Variants in SNX25 observed in about 807,000 individuals in gnomAD.
SNX25 encodes the protein sorting nexin 25.
Under a neutral mutation model 113.7 loss-of-function variants are expected in SNX25, and 62 were observed. The ratio of observed to expected loss-of-function variants is 0.55; its 90% CI spans 0.44 to 0.67. The LOEUF (loss-of-function observed/expected upper bound fraction) is 0.67. Ranked by LOEUF, SNX25 falls within the 30% of genes least tolerant of loss-of-function variation. SNX25 has a pLI of 0.00. For synonymous variants in SNX25, 421 were observed against 436.2 expected (o/e 0.97, Z 0.43); for missense variants, 1,014 against 1,161.0 (o/e 0.87, Z 1.84).
rs554693947 is a variant in SNX25 at position 185,264,952 on chromosome 4, A to G, written c.904+342A>G. ...TGTATAATATCTATATAATATCCATAGTATGTATGTTTATATATTACGTGT... is the reference window on the plus strand; with the variant it reads ...TGTATAATATCTATATAATATCCATGGTATGTATGTTTATATATTACGTGT... On this transcript the variant is annotated intron_variant, in intron 4 of 18. Transcript: ENST00000652585. Among the ~76,000 whole-genome samples the G allele has an allele frequency of 1.3e-4, 20 of 152,028 alleles. No homozygotes were observed. The South Asian group carries it at 3.5e-3, about 27-fold the overall frequency.
At chr4:185,240,557 TG>T (rs1579429621) in intron 1 of SNX25, among the ~76,000 whole-genome samples, 1 of 148,568 alleles carries the variant, frequency 6.7e-6, no homozygotes, top group African/African-American at 2.5e-5. Context: ...ACAGGGCGGC[TG>T]GCCGGGCAGA....
rs936899912 is a variant in SNX25 at position 185,210,520 on chromosome 4, A to T, written c.429+265A>T. Among the ~76,000 whole-genome samples, 2 of 152,146 alleles carry T rather than the reference A, an allele frequency of 1.3e-5. No homozygotes were observed. Among genetic ancestry groups the T allele is most frequent in the East Asian group, 1.9e-4 (1 of 5,172 alleles). On this transcript the variant is annotated intron_variant, in intron 1 of 18. Transcript: ENST00000652585. The surrounding 1 kb of genome is among the most constrained non-coding windows in gnomAD (Gnocchi z 4.4). The stretch of plus-strand genomic sequence containing the variant: ...TGGGCTCTGTAGTCACTCGACAACC[A>T]TCCTCAGTCACAACCCTAAGGGTGT...
intron 6 of SNX25, among the ~76,000 whole-genome samples, chr4:185,300,824 G>A (rs1753554200): frequency 8.6e-6 from 1 of 116,846 alleles, no homozygotes; most frequent in Admixed American, 9.9e-5. Flanking sequence ...AATGCCTGTG[G>A]TATTATGATT....
chr4:185,347,394 T>G (rs2095292425), intron 13 of SNX25, among the ~76,000 whole-genome samples: 1 of 152,226 alleles, frequency 6.6e-6, no homozygotes, highest in African/African-American at 2.4e-5. Context: ...GTTTTTATTC[T>G]TAGCCATTTT....
intron 1 of SNX25, among the ~76,000 whole-genome samples, chr4:185,223,524 G>A (rs1560903316): frequency 1.3e-5 from 2 of 152,152 alleles, no homozygotes; most frequent in African/African-American, 4.8e-5. Context: ...CACGGTGGCC[G>A]GGGGCGGCGG....
rs1741977439 is a variant in SNX25, at chr4:185,232,214, C to T, written c.430-15080C>T. ...AGATGGGGTGTCTGGTAGGCAGGCA[C>T]ACCTGGGACAGTTACAGCAGGTAAT... On this transcript the variant is annotated intron_variant, in intron 1 of 18. Coordinates refer to ENST00000652585, the MANE Select transcript of SNX25 (RefSeq NM_001378034.2). This position sits in a 1 kb window ranked among gnomAD's most constrained non-coding sequence, Gnocchi z 4.4. Among the ~76,000 whole-genome samples, 1 of 152,192 alleles carries T rather than the reference C, an allele frequency of 6.6e-6. No homozygotes were observed. Among genetic ancestry groups the T allele is most frequent in the Non-Finnish European group, 1.5e-5 (1 of 68,040 alleles).
intron 11 of SNX25, 151 bp downstream of exon 11, chr4:185,339,661 A>C: frequency 1.0e-6 from 1 of 958,518 alleles, no homozygotes; most frequent in Non-Finnish European, 1.5e-6. Flanking sequence ...CACAATTTTC[A>C]CTCCGGTTCA....
intron 9 of SNX25, 42 bp from the exon 10 acceptor site, chr4:185,332,553 T>C (rs1425152237): frequency 6.6e-7 from 1 of 1,512,154 alleles, no homozygotes; most frequent in Non-Finnish European, 8.9e-7. Context: ...TACTGAATTT[T>C]CTATCATTAT....
chr4:185,360,003 G>GCACA (rs2095354785), intron 16 of SNX25, among the ~76,000 whole-genome samples: 1 of 152,212 alleles, frequency 6.6e-6, no homozygotes, highest in Admixed American at 6.5e-5. Flanking sequence ...TTCAGCAGCA[G>GCACA]CACAGTGCGT....
chr4:185,284,288 C>T (rs1340944925), intron 5 of SNX25, among the ~76,000 whole-genome samples: 1 of 152,114 alleles, frequency 6.6e-6, no homozygotes, highest in Non-Finnish European at 1.5e-5. Context: ...CTGGGCACAC[C>T]ATTTTCTTTG....
At chr4:185,220,697 G>C (rs546172352) in intron 1 of SNX25, among the ~76,000 whole-genome samples, 5 of 151,874 alleles carry the variant, frequency 3.3e-5, no homozygotes, top group Admixed American at 3.3e-4. Context: ...AGCCAGGATG[G>C]TCTCGATCTC....
chr4:185,240,734 G>T (rs1209943716), intron 1 of SNX25, among the ~76,000 whole-genome samples: 1 of 152,102 alleles, frequency 6.6e-6, no homozygotes, highest in Admixed American at 6.5e-5. Context: ...GGTGGCTGCC[G>T]GGCGGAGACG....
At chr4:185,287,962 T>C (rs769006339) in intron 5 of SNX25, 50 bp from the exon 6 acceptor site, 2 of 1,429,490 alleles carry the variant, frequency 1.4e-6, no homozygotes, top group South Asian at 1.2e-5. Context: ...TTTCTGAAAA[T>C]AGTATTTTCT....
At chr4:185,213,688 G>A (rs1579304426) in intron 1 of SNX25, among the ~76,000 whole-genome samples, 1 of 152,116 alleles carries the variant, frequency 6.6e-6, no homozygotes, top group South Asian at 2.1e-4. Context: ...ACAGTTACTT[G>A]ACCCCAGCAC....
chr4:185,331,359 T>C (rs993567708), intron 9 of SNX25, among the ~76,000 whole-genome samples: 2 of 152,190 alleles, frequency 1.3e-5, no homozygotes, highest in Non-Finnish European at 2.9e-5. Context: ...AATGATACTT[T>C]TGAAGATGAT....
the SNX25 span, chr4:185,378,233 G>C: frequency 6.2e-7 from 1 of 1,602,478 alleles, no homozygotes; most frequent in Non-Finnish European, 8.5e-7. Flanking sequence ...AAAAATAAGT[G>C]GTAGAAATTT....
chr4:185,270,934 A>G (rs1748840136), intron 5 of SNX25, among the ~76,000 whole-genome samples: 1 of 152,204 alleles, frequency 6.6e-6, no homozygotes, highest in African/African-American at 2.4e-5. Context: ...TCCATGGGCA[A>G]GTTGGATTGT....
In SNX25 at chr4:185,311,926, G is replaced by A. The variant is rs75870882; in HGVS notation, c.1344+1110G>A. ...TGTTTTTATAATCCTCTAACCACAG[G>A]AAGTCTGTTGATGTTGCTATTAGCA... On this transcript the variant is annotated intron_variant, in intron 7 of 18. Transcript: ENST00000652585. 8.3e-3 allele frequency among the ~76,000 whole-genome samples: 1,263 copies of A among 152,248 alleles called. 12 individuals carry two copies. Among genetic ancestry groups the A allele is most frequent in the Non-Finnish European group, 0.013 (891 of 68,028 alleles).
intron 14 of SNX25, 112 bp downstream of exon 14, chr4:185,351,721 C>T (rs1440613354): frequency 9.3e-7 from 1 of 1,070,784 alleles, no homozygotes; most frequent in African/African-American, 1.6e-5. Flanking sequence ...AGCACTGTCA[C>T]ATTTTGAGGC....
Sources: allele counts gnomAD v4.1 joint callset (sites outside exome capture counted in the v4.1 genomes callset), GRCh38; gene constraint gnomAD v4.1.1; non-coding constraint Gnocchi (gnomAD v3.1); transcripts MANE v1.5; gene names NCBI Gene and HGNC (gene_info 2026-07-23, HGNC 2026-07-21).